The following ANO2 variants were observed in gnomAD, a reference collection of about 807,000 sequenced individuals.
ANO2 encodes anoctamin 2, also known as anoctamin-2.
In ANO2, 101 loss-of-function variants were observed where a neutral mutation model predicts 124.2. The observed-to-expected ratio is 0.81, with a 90% CI of 0.69 to 0.96. The LOEUF is 0.96. ANO2 is among the 40% of genes least tolerant of loss of function. ANO2 has a pLI of 0.00. For missense variants in ANO2, 1,293 were observed against 1,274.5 expected, an observed-to-expected ratio of 1.01 and a Z score of -0.22; for synonymous variants, 486 against 482.5, an observed-to-expected ratio of 1.01 and a Z score of -0.09.
intron 9 of ANO2, among the ~76,000 whole-genome samples, chr12:5,803,580 G>A (rs950126985): frequency 6.6e-6 from 1 of 152,128 alleles, no homozygotes; most frequent in African/African-American, 2.4e-5. Context: ...AGCAGATGGT[G>A]ACAGCCACTT....
intron 14 of ANO2, among the ~76,000 whole-genome samples, chr12:5,650,931 A>G (rs1408199379): frequency 2.0e-5 from 3 of 152,262 alleles, no homozygotes; most frequent in African/African-American, 4.8e-5. Flanking sequence ...AAGAGAGTGC[A>G]GGCACACAGA....
intron 9 of ANO2, among the ~76,000 whole-genome samples, chr12:5,805,763 T>C (rs1953171844): frequency 6.6e-6 from 1 of 152,176 alleles, no homozygotes; most frequent in African/African-American, 2.4e-5. Flanking sequence ...ACAGCCAATG[T>C]TTCTCAACTG....
intron 14 of ANO2, among the ~76,000 whole-genome samples, chr12:5,717,907 T>C (rs1950080159): frequency 6.6e-6 from 1 of 152,196 alleles, no homozygotes; most frequent in Non-Finnish European, 1.5e-5. Flanking sequence ...TCCCAATTAT[T>C]CATGACAATC....
intron 10 of ANO2, among the ~76,000 whole-genome samples, chr12:5,796,257 A>G (rs756414016): frequency 6.8e-6 from 1 of 148,020 alleles, no homozygotes; most frequent in Non-Finnish European, 1.5e-5. Context: ...ACACACATAC[A>G]CTCACACCGA....
chr12:5,673,362 C>T (rs1948097790), intron 14 of ANO2, among the ~76,000 whole-genome samples: 1 of 152,164 alleles, frequency 6.6e-6, no homozygotes, highest in African/African-American at 2.4e-5. Context: ...TCTGTGTTTG[C>T]CCACACAAGG....
At chr12:5,936,753 A>G (rs189820899) in intron 1 of ANO2, among the ~76,000 whole-genome samples, 38 of 152,368 alleles carry the variant, frequency 2.5e-4, no homozygotes, top group African/African-American at 4.3e-4. Context: ...TTCTAGTTTT[A>G]TCAATTTAAC....
At chr12:5,628,105 G>GA (rs909457033) in intron 16 of ANO2, among the ~76,000 whole-genome samples, 4 of 151,712 alleles carry the variant, frequency 2.6e-5, no homozygotes, top group East Asian at 1.9e-4. Context: ...GTCTATTTTT[G>GA]AAAAAAGAGA....
At chr12:5,589,561 T>A (rs898485100) in intron 20 of ANO2, among the ~76,000 whole-genome samples, 9 of 152,244 alleles carry the variant, frequency 5.9e-5, no homozygotes, top group African/African-American at 2.2e-4. Context: ...GCTTACCCAA[T>A]ATGTTTTTAG....
At chr12:5,921,400 C>A in intron 2 of ANO2, 34 bp from the exon 3 acceptor site, 2 of 1,596,020 alleles carry the variant, frequency 1.3e-6, no homozygotes, top group South Asian at 1.1e-5. Context: ...AGGGCAAGGT[C>A]TGGTGAGTAA....
intron 13 of ANO2, among the ~76,000 whole-genome samples, chr12:5,735,302 A>T (rs1375373597): frequency 6.6e-6 from 1 of 152,158 alleles, no homozygotes; most frequent in Non-Finnish European, 1.5e-5. Flanking sequence ...AACTGTTTCC[A>T]CGTGGTCAGT....
chr12:5,729,482 T>G (rs1950552711), intron 14 of ANO2, among the ~76,000 whole-genome samples: 1 of 152,152 alleles, frequency 6.6e-6, no homozygotes, highest in Admixed American at 6.5e-5. Context: ...ACCACTGGGA[T>G]GGATAAAATG....
At chr12:5,851,225 T>C (rs1156622762) in intron 4 of ANO2, among the ~76,000 whole-genome samples, 1 of 152,152 alleles carries the variant, frequency 6.6e-6, no homozygotes, top group African/African-American at 2.4e-5. Flanking sequence ...AGTTAATGTA[T>C]AGGGGCACTG....
intron 24 of ANO2, among the ~76,000 whole-genome samples, chr12:5,564,214 C>T (rs1381524667): frequency 2.0e-5 from 3 of 152,218 alleles, no homozygotes; most frequent in South Asian, 2.1e-4. Context: ...CCAGCTTGCC[C>T]CGATTGGGTC....
intron 3 of ANO2, among the ~76,000 whole-genome samples, chr12:5,866,418 C>T (rs748277723): frequency 5.7e-4 from 87 of 152,162 alleles, no homozygotes; most frequent in Non-Finnish European, 5.1e-4. Flanking sequence ...CCTGATCACA[C>T]GAGCTTATAA....
chr12:5,862,085 G>A lies in ANO2; in HGVS notation c.535-7944C>T, dbSNP rs1427002865. Among the ~76,000 whole-genome samples the A allele has an allele frequency of 1.3e-5, 2 of 152,152 alleles. No individual in the cohort carries two copies. Among genetic ancestry groups the A allele is most frequent in the Non-Finnish European group, 2.9e-5 (2 of 68,042 alleles). ...TCTGATTCGGAGCAGGCTCTGCCTG[G>A]TCCTCCTGAGACACAGGGATTTGGG... On this transcript the variant is annotated intron_variant, in intron 3 of 24. Transcript: ENST00000682330. This position sits in a 1 kb window ranked among gnomAD's most constrained non-coding sequence, Gnocchi z 4.0.
intron 8 of ANO2, among the ~76,000 whole-genome samples, chr12:5,806,401 G>A (rs1248993513): frequency 4.6e-5 from 7 of 152,180 alleles, no homozygotes; most frequent in East Asian, 1.9e-4. Flanking sequence ...AGCCCATCAC[G>A]TGAAAAGCAC....
chr12:5,846,370 A>C (rs183137155), intron 4 of ANO2, among the ~76,000 whole-genome samples: 1 of 152,294 alleles, frequency 6.6e-6, no homozygotes, highest in African/African-American at 2.4e-5. Context: ...AAACTCCCAA[A>C]CCCAATGACA....
At chr12:5,825,884 C>G (rs569469457) in intron 7 of ANO2, among the ~76,000 whole-genome samples, 1 of 152,168 alleles carries the variant, frequency 6.6e-6, no homozygotes, top group Non-Finnish European at 1.5e-5. Flanking sequence ...GGAAGAAAAC[C>G]ACGACCTGCT....
chr12:5,836,279 G>A (rs1954315190), intron 4 of ANO2, among the ~76,000 whole-genome samples: 1 of 152,160 alleles, frequency 6.6e-6, no homozygotes, highest in South Asian at 2.1e-4. Context: ...ATAATCTTTA[G>A]CATAATTAGG....
Sources: gnomAD v4.1 joint callset for allele counts (sites outside exome capture counted in the v4.1 genomes callset) on GRCh38, gnomAD v4.1.1 for gene constraint, Gnocchi (gnomAD v3.1) non-coding constraint, MANE v1.5 for transcripts, NCBI Gene and HGNC (gene_info 2026-07-23, HGNC 2026-07-21) for gene names.